Variants in RALGPS1 observed in about 807,000 individuals in gnomAD.
RALGPS1 encodes the protein ras-specific guanine nucleotide-releasing factor RalGPS1.
In RALGPS1, 19 loss-of-function variants were observed where a neutral mutation model predicts 78.8. That is an observed-to-expected ratio of 0.24 (90% CI 0.17 to 0.35). The LOEUF (loss-of-function observed/expected upper bound fraction) is 0.35, where lower values mean the gene tolerates loss of function less well. Among genes scored for constraint, RALGPS1 ranks in the 10% least tolerant of loss-of-function variants. The pLI, the probability that RALGPS1 is intolerant of heterozygous loss-of-function variation, is 1.00. For missense variants in RALGPS1, 454 were observed against 688.3 expected (o/e 0.66, Z 3.81); for synonymous variants, 228 against 256.3 (o/e 0.89, Z 1.06).
In RALGPS1 at chr9:127,219,763, C is replaced by G. The variant is rs1238794842; in HGVS notation, c.*994C>G. 18 of 152,818 alleles carry G rather than the reference C, an allele frequency of 1.2e-4. No individual in the cohort carries two copies. The highest frequency in any genetic ancestry group is 1.0e-3 in the Admixed American group (16 of 15,294). 9.5% of individuals were successfully genotyped at this position (152,818 alleles called of 1,614,324 possible). A position where few individuals can be genotyped will look rare whatever the true frequency, so the allele number is the denominator to read the frequency against. On this transcript the variant is annotated 3_prime_UTR_variant, in exon 19 of 19. Coordinates refer to ENST00000259351, the MANE Select transcript of RALGPS1 (RefSeq NM_014636.3). The surrounding 1 kb of genome is among the most constrained non-coding windows in gnomAD (Gnocchi z 5.0). ...CCAACCTCTCCCCGCAGGGCAAAGC[C>G]TGTGCCCCCATCATCTCACTCCTTT...
intron 1 of RALGPS1, among the ~76,000 whole-genome samples, chr9:126,946,411 G>A (rs2037271957): frequency 6.6e-6 from 1 of 151,776 alleles, no homozygotes; most frequent in Admixed American, 6.6e-5. Flanking sequence ...GCACACACCT[G>A]TAATCCCAGC....
At chr9:127,199,813 T>A (rs1197177726) in intron 14 of RALGPS1, among the ~76,000 whole-genome samples, 1 of 151,858 alleles carries the variant, frequency 6.6e-6, no homozygotes, top group Non-Finnish European at 1.5e-5. Flanking sequence ...CGACTCAGGG[T>A]TTGAGAGGAG....
In RALGPS1 at chr9:127,222,354, G is replaced by A. The variant is rs992532509; in HGVS notation, c.*3585G>A. ...TGAGGATGAAGTCACTATCCTAGAG[G>A]CTGCTTGGCCCAGAAGAGCCAGGCA... On this transcript the variant is annotated 3_prime_UTR_variant, in exon 19 of 19. Coordinates refer to ENST00000259351, the MANE Select transcript of RALGPS1 (RefSeq NM_014636.3). 5 of 152,230 alleles carry A rather than the reference G, an allele frequency of 3.3e-5. No individual in the cohort carries two copies. The highest frequency in any genetic ancestry group is 2.6e-4 in the Admixed American group (4 of 15,282). The allele number at this position is 152,230 out of a possible 1,614,324, so 9.4% of individuals were successfully genotyped here.
chr9:127,009,161 T>C (rs954120248), intron 4 of RALGPS1, among the ~76,000 whole-genome samples: 2 of 152,198 alleles, frequency 1.3e-5, no homozygotes, highest in Non-Finnish European at 2.9e-5. Flanking sequence ...GAAAGGAAAA[T>C]TTGGGAGCTG....
At chr9:127,054,367 C>T (rs969899997) in intron 7 of RALGPS1, among the ~76,000 whole-genome samples, 1 of 152,174 alleles carries the variant, frequency 6.6e-6, no homozygotes, top group Non-Finnish European at 1.5e-5. Context: ...TTTGAATCTT[C>T]TCATGATGCC....
intron 4 of RALGPS1, among the ~76,000 whole-genome samples, chr9:127,003,450 A>G (rs1244329081): frequency 2.0e-5 from 3 of 152,090 alleles, no homozygotes; most frequent in Admixed American, 6.6e-5. Context: ...AACACATGAA[A>G]AAATGTTCAT....
At chr9:126,945,209 T>C (rs1241300412) in intron 1 of RALGPS1, among the ~76,000 whole-genome samples, 1 of 151,882 alleles carries the variant, frequency 6.6e-6, no homozygotes, top group African/African-American at 2.4e-5. Flanking sequence ...TTCTCTTGCT[T>C]TTTTTTTGAG....
At position 127,218,662 on chromosome 9, in the gene RALGPS1, C is replaced by T; in HGVS notation, c.1645-78C>T. The T allele has an allele frequency of 6.8e-7, 1 of 1,471,660 alleles. No individual in the cohort carries two copies. The highest frequency in any genetic ancestry group is 9.5e-7 in the Non-Finnish European group (1 of 1,050,366). 91.2% of individuals were successfully genotyped at this position (1,471,660 alleles called of 1,614,324 possible). A position where few individuals can be genotyped will look rare whatever the true frequency, so the allele number is the denominator to read the frequency against. ...CCCAGACTCACGGGGAAAGGCCTGT[C>T]CCTTCCCCTAGGGACCACCACCCCT... On this transcript the variant is annotated intron_variant, in intron 18 of 18. Coordinates refer to ENST00000259351, the MANE Select transcript of RALGPS1 (RefSeq NM_014636.3). The surrounding 1 kb of genome is among the most constrained non-coding windows in gnomAD (Gnocchi z 4.4).
At chr9:127,206,470 A>C (rs1156987247) in intron 14 of RALGPS1, among the ~76,000 whole-genome samples, 1 of 152,138 alleles carries the variant, frequency 6.6e-6, no homozygotes, top group African/African-American at 2.4e-5. Flanking sequence ...AAGGGGGAAG[A>C]GCCCCTTAGA....
intron 1 of RALGPS1, among the ~76,000 whole-genome samples, chr9:126,960,214 T>TCCCC (rs1564310399): frequency 1.8e-5 from 1 of 56,232 alleles, no homozygotes; most frequent in Non-Finnish European, 3.8e-5. Context: ...CCTCCCTCCC[T>TCCCC]CCCTCCCTTC....
Position 127,212,263 on chromosome 9 carries a change from G to A in RALGPS1, c.1353+27G>A. On this transcript the variant is annotated intron_variant, in intron 15 of 18. Coordinates refer to ENST00000259351, the MANE Select transcript of RALGPS1 (RefSeq NM_014636.3). The surrounding 1 kb of genome is among the most constrained non-coding windows in gnomAD (Gnocchi z 6.0). Reference sequence around the variant, plus strand: ...TAAGTACAGACCCACATCCACCGGGGCAGCAGGGGCTTCCACATCTGTAAA... The same window carrying A: ...TAAGTACAGACCCACATCCACCGGGACAGCAGGGGCTTCCACATCTGTAAA... 6.5e-7 allele frequency: 1 copy of A among 1,544,842 alleles called. No homozygotes were observed. Among genetic ancestry groups the A allele is most frequent in the Non-Finnish European group, 8.9e-7 (1 of 1,128,750 alleles).
chr9:126,996,818 A>T (rs1324765906), intron 4 of RALGPS1, among the ~76,000 whole-genome samples: 9 of 151,762 alleles, frequency 5.9e-5, no homozygotes, highest in African/African-American at 1.9e-4. Context: ...GCAGCACATC[A>T]AAAAGCTTAT....
At chr9:127,141,576 T>G (rs1054921511) in intron 8 of RALGPS1, among the ~76,000 whole-genome samples, 15 of 134,852 alleles carry the variant, frequency 1.1e-4, no homozygotes, top group African/African-American at 4.0e-4. Flanking sequence ...AAAATGAAAC[T>G]TCAGAGACTC....
chr9:127,088,933 G>A (rs1282070003), intron 8 of RALGPS1: 3 of 1,614,222 alleles, frequency 1.9e-6, no homozygotes, highest in South Asian at 2.2e-5. Context: ...AGGAGGGGGA[G>A]CTGGCTTAGT....
intron 1 of RALGPS1, among the ~76,000 whole-genome samples, chr9:126,958,142 A>AATAAATATAT (rs1554765219): frequency 1.3e-5 from 1 of 77,084 alleles, no homozygotes; most frequent in African/African-American, 4.1e-5. Flanking sequence ...AAAAAAAAAA[A>AATAAATATAT]ATATATATAT....
chr9:127,036,661 C>T (rs2046888312), intron 5 of RALGPS1, among the ~76,000 whole-genome samples: 2 of 152,114 alleles, frequency 1.3e-5, no homozygotes, highest in South Asian at 2.1e-4. Flanking sequence ...CCGTGGGATC[C>T]GAGTCCCTTG....
chr9:127,137,526 C>T (rs899014278), intron 8 of RALGPS1, among the ~76,000 whole-genome samples: 2 of 152,234 alleles, frequency 1.3e-5, no homozygotes, highest in Admixed American at 6.5e-5. Flanking sequence ...CCAACTCCAC[C>T]CTGCCAGTGG....
At chr9:127,161,791 G>C (rs964458769) in intron 8 of RALGPS1, among the ~76,000 whole-genome samples, 16 of 152,144 alleles carry the variant, frequency 1.1e-4, no homozygotes, top group Non-Finnish European at 2.9e-5. Flanking sequence ...AAGAAGAACC[G>C]CCCATAGACA....
chr9:127,086,385 G>T (rs186831337), intron 8 of RALGPS1, among the ~76,000 whole-genome samples: 2 of 152,314 alleles, frequency 1.3e-5, no homozygotes, highest in Non-Finnish European at 2.9e-5. Flanking sequence ...TCAACATGGA[G>T]ATTGACATTT....
Sources: gnomAD v4.1 joint callset for allele counts (sites outside exome capture counted in the v4.1 genomes callset) on GRCh38, gnomAD v4.1.1 for gene constraint, Gnocchi (gnomAD v3.1) non-coding constraint, MANE v1.5 for transcripts, NCBI Gene and HGNC (gene_info 2026-07-23, HGNC 2026-07-21) for gene names.